The following RALGPS1 variants were observed in gnomAD, a reference collection of about 807,000 sequenced individuals.
The protein encoded by RALGPS1 is Ral GEF with PH domain and SH3 binding motif 1, also known as ras-specific guanine nucleotide-releasing factor RalGPS1.
A neutral mutation model predicts 78.8 loss-of-function variants in RALGPS1; 19 were observed. That is an observed-to-expected ratio of 0.24 (90% confidence interval 0.17 to 0.35). The LOEUF (loss-of-function observed/expected upper bound fraction) is 0.35, where lower values mean the gene tolerates loss of function less well. Ranked by LOEUF, RALGPS1 falls within the 10% of genes least tolerant of loss-of-function variation. The pLI is 1.00. For synonymous variants in RALGPS1, 228 were observed against 256.3 expected (o/e 0.89, Z 1.06); for missense variants, 454 against 688.3 (o/e 0.66, Z 3.81).
intron 4 of RALGPS1, among the ~76,000 whole-genome samples, chr9:127,032,205 G>A (rs879615087): frequency 4.6e-5 from 7 of 152,206 alleles, no homozygotes; most frequent in Admixed American, 3.3e-4. Flanking sequence ...TTTAAGATGA[G>A]AAACTAGAAG....
At chr9:127,207,981 C>A (rs1005440810) in intron 14 of RALGPS1, among the ~76,000 whole-genome samples, 1 of 152,240 alleles carries the variant, frequency 6.6e-6, no homozygotes, top group Admixed American at 6.5e-5. Context: ...TAATGACAGG[C>A]CAGCAGGGTG....
Position 127,212,550 on chromosome 9 carries a change from C to T in RALGPS1, c.1354-77C>T. The T allele has an allele frequency of 9.6e-7, 1 of 1,045,958 alleles. No individual in the cohort carries two copies. Among genetic ancestry groups the T allele is most frequent in the Non-Finnish European group, 1.4e-6 (1 of 709,418 alleles). The allele number at this position is 1,045,958 out of a possible 1,614,324, so 64.8% of individuals were successfully genotyped here. A position where few individuals can be genotyped will look rare whatever the true frequency, so the allele number is the denominator to read the frequency against. ...GCCTGCACTGGCATTGATGGGATGG[C>T]TGGGTCTGTAATCGGCCAGGGATCC... On this transcript the variant is annotated intron_variant, in intron 15 of 18. Transcript: ENST00000259351. The surrounding 1 kb of genome is among the most constrained non-coding windows in gnomAD (Gnocchi z 6.0).
intron 4 of RALGPS1, among the ~76,000 whole-genome samples, chr9:127,015,905 G>A (rs1337591098): frequency 4.6e-5 from 7 of 151,892 alleles, no homozygotes; most frequent in Non-Finnish European, 1.5e-5. Flanking sequence ...GATCCCACCT[G>A]GGGTTTAACC....
rs2131089432 is a variant in RALGPS1 at position 127,221,941 on chromosome 9, T to C, written c.*3172T>C. On this transcript the variant is annotated 3_prime_UTR_variant, in exon 19 of 19. Transcript: ENST00000259351. Reference sequence around the variant, plus strand: ...GATGTCTGTAACCACTGGGGAGCACTGCCAAAAATACAGCTTTCTGGTTTG... The same window carrying C: ...GATGTCTGTAACCACTGGGGAGCACCGCCAAAAATACAGCTTTCTGGTTTG... The C allele has an allele frequency of 6.6e-6, 1 of 152,274 alleles. No individual in the cohort carries two copies. The highest frequency in any genetic ancestry group is 1.5e-5 in the Non-Finnish European group (1 of 68,018). The allele number at this position is 152,274 out of a possible 1,614,324, so 9.4% of individuals were successfully genotyped here.
At chr9:127,155,849 A>G (rs2058678489) in intron 8 of RALGPS1, among the ~76,000 whole-genome samples, 1 of 152,108 alleles carries the variant, frequency 6.6e-6, no homozygotes, top group African/African-American at 2.4e-5. Context: ...TCTCCCTGCC[A>G]AAAAAGTGTT....
intron 4 of RALGPS1, chr9:126,989,855 C>T (rs2042125723): frequency 6.5e-7 from 1 of 1,548,130 alleles, no homozygotes; most frequent in Non-Finnish European, 8.7e-7. Flanking sequence ...TTGAGCTTGA[C>T]TTGACCAGCA....
chr9:127,160,986 C>T lies in RALGPS1; in HGVS notation c.611-5083C>T, dbSNP rs878899421. Reference sequence around the variant, plus strand: ...TGTTTCCCCCAACAGGTCTGCACCTCTCAGCCTTGCCTGGTCCCTGGCACT... The same window carrying T: ...TGTTTCCCCCAACAGGTCTGCACCTTTCAGCCTTGCCTGGTCCCTGGCACT... On this transcript the variant is annotated intron_variant, in intron 8 of 18. Coordinates refer to ENST00000259351, the MANE Select transcript of RALGPS1 (RefSeq NM_014636.3). Among the ~76,000 whole-genome samples, 7 of 152,358 alleles carry T rather than the reference C, an allele frequency of 4.6e-5. No homozygotes were observed. The South Asian group carries it at 1.4e-3, about 32-fold the overall frequency.
intron 8 of RALGPS1, among the ~76,000 whole-genome samples, chr9:127,113,151 C>T (rs1268185265): frequency 1.3e-5 from 2 of 152,196 alleles, no homozygotes; most frequent in African/African-American, 4.8e-5. Flanking sequence ...GCCTGACATA[C>T]ATTGTCCCAG....
At chr9:127,071,486 T>C (rs2050198245) in intron 8 of RALGPS1, among the ~76,000 whole-genome samples, 2 of 152,338 alleles carry the variant, frequency 1.3e-5, no homozygotes, top group East Asian at 1.9e-4. Flanking sequence ...TAATGAAATA[T>C]GGACTTTCCA....
chr9:127,043,894 A>G (rs2047527934), intron 5 of RALGPS1, among the ~76,000 whole-genome samples: 1 of 152,258 alleles, frequency 6.6e-6, no homozygotes, highest in Admixed American at 6.5e-5. Flanking sequence ...CATACCTATT[A>G]GAATGTCTAC....
chr9:127,067,392 T>C (rs1004194672), intron 7 of RALGPS1, among the ~76,000 whole-genome samples: 1 of 152,234 alleles, frequency 6.6e-6, no homozygotes, highest in Non-Finnish European at 1.5e-5. Context: ...CTATCACTGC[T>C]CCTGTGCAAG....
intron 3 of RALGPS1, among the ~76,000 whole-genome samples, chr9:126,973,026 C>T (rs2132501882): frequency 1.3e-5 from 2 of 152,048 alleles, no homozygotes; most frequent in East Asian, 3.9e-4. Flanking sequence ...TGCGCCACTG[C>T]ACTCCAACCT....
At chr9:127,049,188 G>A (rs1425834236) in intron 5 of RALGPS1, among the ~76,000 whole-genome samples, 2 of 152,146 alleles carry the variant, frequency 1.3e-5, no homozygotes, top group African/African-American at 4.8e-5. Context: ...GGGCATCCGT[G>A]TTTCACATAG....
At chr9:126,966,095 T>G in intron 3 of RALGPS1, 144 bp downstream of exon 3, 1 of 634,384 alleles carries the variant, frequency 1.6e-6, no homozygotes, top group Non-Finnish European at 2.8e-6. Flanking sequence ...TACCACCCTT[T>G]GTGAAATACA....
chr9:126,935,761 A>G (rs201976225), intron 1 of RALGPS1, among the ~76,000 whole-genome samples: 1 of 152,254 alleles, frequency 6.6e-6, no homozygotes, highest in Non-Finnish European at 1.5e-5. Flanking sequence ...ACAAAGGAGT[A>G]ATCTCAGAGA....
chr9:127,131,145 G>A (rs962592540), intron 8 of RALGPS1, among the ~76,000 whole-genome samples: 11 of 152,188 alleles, frequency 7.2e-5, no homozygotes, highest in African/African-American at 2.7e-4. Flanking sequence ...GTTGACAGGA[G>A]CCCTGTAAGC....
intron 8 of RALGPS1, among the ~76,000 whole-genome samples, chr9:127,106,207 C>T (rs1374255471): frequency 6.6e-6 from 1 of 152,174 alleles, no homozygotes; most frequent in Non-Finnish European, 1.5e-5. Flanking sequence ...AGCCTGTCTC[C>T]AGTCAGGGTT....
At chr9:127,045,748 C>CACACACACAT (rs1451529036) in intron 5 of RALGPS1, among the ~76,000 whole-genome samples, 4 of 104,908 alleles carry the variant, frequency 3.8e-5, no homozygotes, top group African/African-American at 1.2e-4. Flanking sequence ...CACACACACA[C>CACACACACAT]ACACACACAC....
At position 127,212,797 on chromosome 9, in the gene RALGPS1, G is replaced by A. The variant is rs1275460168; in HGVS notation, c.1446+78G>A. 2.0e-6 allele frequency: 3 copies of A among 1,520,674 alleles called. No individual in the cohort carries two copies. Among genetic ancestry groups the A allele is most frequent in the Admixed American group, 1.8e-5 (1 of 54,110 alleles). The allele number at this position is 1,520,674 out of a possible 1,614,324, so 94.2% of individuals were successfully genotyped here. A position where few individuals can be genotyped will look rare whatever the true frequency, so the allele number is the denominator to read the frequency against. ...ACCTCTGTGAACTGTGGAGGATGGG[G>A]GTGGGAAAGGGATCTGTGTGAACTG... is the stretch of plus-strand genomic sequence containing the variant. On this transcript the variant is annotated intron_variant, in intron 16 of 18. Coordinates refer to ENST00000259351, the MANE Select transcript of RALGPS1 (RefSeq NM_014636.3). The surrounding 1 kb of genome is among the most constrained non-coding windows in gnomAD (Gnocchi z 6.0).
Sources: allele counts gnomAD v4.1 joint callset (sites outside exome capture counted in the v4.1 genomes callset), GRCh38; gene constraint gnomAD v4.1.1; non-coding constraint Gnocchi (gnomAD v3.1); transcripts MANE v1.5; gene names NCBI Gene and HGNC (gene_info 2026-07-23, HGNC 2026-07-21).